Variants in PLCH1 observed in about 807,000 individuals in gnomAD.
PLCH1 encodes the protein phospholipase C eta 1, also known as 1-phosphatidylinositol 4,5-bisphosphate phosphodiesterase eta-1.
Under a neutral mutation model 126.7 loss-of-function variants are expected in PLCH1, and 60 were observed. That is an observed-to-expected ratio of 0.47 (90% CI 0.38 to 0.59). The LOEUF is 0.59. Ranked by LOEUF, PLCH1 falls within the 20% of genes least tolerant of loss-of-function variation. PLCH1 has a pLI of 0.00. For missense variants in PLCH1, 1,723 were observed against 2,040.0 expected, an observed-to-expected ratio of 0.84 and a Z score of 2.99; for synonymous variants, 719 against 734.9, an observed-to-expected ratio of 0.98 and a Z score of 0.35.
chr3:155,565,964 C>A (rs1001226448), intron 7 of PLCH1, among the ~76,000 whole-genome samples: 1 of 151,298 alleles, frequency 6.6e-6, no homozygotes, highest in Non-Finnish European at 1.5e-5. Flanking sequence ...TCCCAAAGTG[C>A]TGAGATTACA....
chr3:155,533,892 G>A (rs1723006418), intron 10 of PLCH1, among the ~76,000 whole-genome samples: 1 of 152,238 alleles, frequency 6.6e-6, no homozygotes, highest in African/African-American at 2.4e-5. Context: ...TCCACATGGT[G>A]TTGAGCCTGC....
At position 155,704,272 on chromosome 3, in the gene PLCH1, G is replaced by T; in HGVS notation, c.-40-8C>A. The T allele has an allele frequency of 1.2e-6, 1 of 807,848 alleles. No homozygotes were observed. Among genetic ancestry groups the T allele is most frequent in the Non-Finnish European group, 1.7e-6 (1 of 600,436 alleles). 50.0% of individuals were successfully genotyped at this position (807,848 alleles called of 1,614,324 possible). On this transcript the variant is annotated splice_polypyrimidine_tract_variant and splice_region_variant and intron_variant, in intron 1 of 22. Transcript: ENST00000460012. The stretch of plus-strand genomic sequence containing the variant: ...CATCAAAACCAAATTGCCCTGTCAA[G>T]GGAAACAGAATGAGACAAAAATGAA...
At position 155,485,338 on chromosome 3, in the gene PLCH1, AAAC is replaced by A. The variant is rs776985480; in HGVS notation, c.2974+15_2974+17del. The A allele has an allele frequency of 6.5e-7, 1 of 1,529,588 alleles. No homozygotes were observed. Among genetic ancestry groups the A allele is most frequent in the South Asian group, 1.1e-5 (1 of 87,170 alleles). The allele number at this position is 1,529,588 out of a possible 1,614,324, so 94.8% of individuals were successfully genotyped here. A position where few individuals can be genotyped will look rare whatever the true frequency, so the allele number is the denominator to read the frequency against. On this transcript the variant is annotated intron_variant, in intron 22 of 22. Coordinates refer to ENST00000460012, the MANE Select transcript of PLCH1 (RefSeq NM_014996.4). ...AGCCTAGAAGGGTTTATTCTCAGAGAAACTTAAAGCATCTTACCTAGAGAGTTT... is the reference window on the plus strand; with the variant it reads ...AGCCTAGAAGGGTTTATTCTCAGAGATTAAAGCATCTTACCTAGAGAGTTT...
chr3:155,734,753 G>C (rs1280955881), intron 1 of PLCH1, among the ~76,000 whole-genome samples: 1 of 148,294 alleles, frequency 6.7e-6, no homozygotes, highest in African/African-American at 2.5e-5. Flanking sequence ...CTGTCGCCCA[G>C]GCTGGAGTGC....
intron 1 of PLCH1, among the ~76,000 whole-genome samples, chr3:155,733,812 CAAAATACAA>C (rs1223177281): frequency 1.3e-5 from 2 of 151,236 alleles, no homozygotes; most frequent in Non-Finnish European, 2.9e-5. Flanking sequence ...GGTTAATATT[CAAAATACAA>C]AAGGAACTCA....
intron 1 of PLCH1, among the ~76,000 whole-genome samples, chr3:155,711,201 T>C (rs547649153): frequency 6.6e-6 from 1 of 152,274 alleles, no homozygotes; most frequent in South Asian, 2.1e-4. Context: ...AGAGGACTCA[T>C]GCAGCAAATG....
In PLCH1 at chr3:155,458,478, G is replaced by GA. The variant is rs1164094111; in HGVS notation, c.2938+26877dup. On this transcript the variant is annotated intron_variant, in intron 21 of 21. Transcript: ENST00000494598. ...GGAAAGAAAGAAAGAAAGAAAGAAA[G>GA]AAAGAAAGAAAGAAAGAAAGAGAAA... Among the ~76,000 whole-genome samples the GA allele has an allele frequency of 3.9e-4, 39 of 98,880 alleles. 3 individuals carry two copies. The highest frequency in any genetic ancestry group is 3.4e-3 in the African/African-American group (37 of 11,038). The allele number at this position is 98,880 out of a possible 152,430, so 64.9% of individuals were successfully genotyped here.
chr3:155,684,702 C>A (rs1744800490), intron 2 of PLCH1, among the ~76,000 whole-genome samples: 1 of 152,152 alleles, frequency 6.6e-6, no homozygotes, highest in Admixed American at 6.6e-5. Flanking sequence ...CCTCCGGTAA[C>A]AATTTTCAAT....
chr3:155,627,769 ATT>A (rs60152083), intron 2 of PLCH1, among the ~76,000 whole-genome samples: 41,656 of 116,440 alleles, frequency 0.36, 5,978 homozygotes, highest in East Asian at 0.57. Context: ...GTTATCGGAG[ATT>A]TTTTTTTTTT....
intron 21 of PLCH1, among the ~76,000 whole-genome samples, chr3:155,468,653 A>G (rs1284015107): frequency 6.6e-6 from 1 of 152,262 alleles, no homozygotes; most frequent in Non-Finnish European, 1.5e-5. Context: ...AAAGAAGGTC[A>G]TTCCATAATG....
chr3:155,667,973 T>C (rs1203975049), intron 2 of PLCH1, among the ~76,000 whole-genome samples: 1 of 140,802 alleles, frequency 7.1e-6, no homozygotes. Flanking sequence ...TAATCCCAGC[T>C]ACTCAGGAGG....
At chr3:155,556,188 G>A (rs562661541) in intron 8 of PLCH1, among the ~76,000 whole-genome samples, 59 of 152,126 alleles carry the variant, frequency 3.9e-4, no homozygotes, top group Admixed American at 7.9e-4. Context: ...CCCCTTCTCC[G>A]CTAAAAATAC....
intron 10 of PLCH1, 123 bp from the exon 11 acceptor site, chr3:155,524,127 T>C (rs1340299147): frequency 1.4e-6 from 1 of 703,722 alleles, no homozygotes; most frequent in Non-Finnish European, 2.5e-6. Flanking sequence ...GTACATACAA[T>C]GGAATCTTAG....
At position 155,481,194 on chromosome 3, in the gene PLCH1, GGTTT is replaced by G; in HGVS notation, c.4828_4831del (p.Lys1610ProfsTer8). 1 of 1,614,180 alleles carries G rather than the reference GGTTT, an allele frequency of 6.2e-7. No homozygotes were observed. The highest frequency in any genetic ancestry group is 1.1e-5 in the South Asian group (1 of 91,086). ...ATTCACTGCAGGGGTGGGTGCTGAG[GGTTT>G]GTTTCTAAGAACCACTCCTGCCCCA... On this transcript the variant is annotated frameshift_variant, in exon 23 of 23. Transcript: ENST00000460012. LOFTEE classifies it low-confidence loss of function (END_TRUNC). This position sits in a 1 kb window ranked among gnomAD's most constrained non-coding sequence, Gnocchi z 4.2.
chr3:155,462,346 A>G (rs920147351), intron 21 of PLCH1, among the ~76,000 whole-genome samples: 2 of 152,174 alleles, frequency 1.3e-5, no homozygotes, highest in African/African-American at 4.8e-5. Flanking sequence ...GTTGACATCC[A>G]TTAGGGATTA....
intron 9 of PLCH1, among the ~76,000 whole-genome samples, chr3:155,552,440 T>C (rs1726272374): frequency 6.6e-6 from 1 of 152,080 alleles, no homozygotes; most frequent in Non-Finnish European, 1.5e-5. Context: ...AAAAAGAAGA[T>C]TTAAATCAGC....
chr3:155,517,089 T>C (rs1287533893), intron 11 of PLCH1, among the ~76,000 whole-genome samples: 2 of 152,142 alleles, frequency 1.3e-5, no homozygotes, highest in African/African-American at 2.4e-5. Context: ...GGAGGATCGC[T>C]TGAGTCCAGG....
chr3:155,500,918 C>T, intron 13 of PLCH1, 124 bp from the exon 14 acceptor site: 1 of 654,284 alleles, frequency 1.5e-6, no homozygotes, highest in Non-Finnish European at 2.7e-6. Flanking sequence ...GAGAAAATGA[C>T]CAAATATTGC....
In PLCH1 at chr3:155,511,095, T is replaced by G. The variant is rs1719410328; in HGVS notation, c.1632+3628A>C. ...TCTCTAAACTTCCCTTCTCGCTTCATTTCATTCATTTCATCTTCCATTGCT... is the reference window on the plus strand; with the variant it reads ...TCTCTAAACTTCCCTTCTCGCTTCAGTTCATTCATTTCATCTTCCATTGCT... On this transcript the variant is annotated intron_variant, in intron 12 of 22. Transcript: ENST00000460012. 5.9e-5 allele frequency among the ~76,000 whole-genome samples: 3 copies of G among 50,926 alleles called. No individual in the cohort carries two copies. In the South Asian group the frequency reaches 2.6e-3, roughly 44 times the overall value. The allele number at this position is 50,926 out of a possible 152,430, so 33.4% of individuals were successfully genotyped here.
Sources: allele counts gnomAD v4.1 joint callset (sites outside exome capture counted in the v4.1 genomes callset), GRCh38; gene constraint gnomAD v4.1.1; non-coding constraint Gnocchi (gnomAD v3.1); transcripts MANE v1.5; gene names NCBI Gene and HGNC (gene_info 2026-07-23, HGNC 2026-07-21).